The following ATP6V1B2 variants were observed in gnomAD, a reference collection of about 807,000 sequenced individuals.
ATP6V1B2 encodes the protein ATPase H+ transporting V1 subunit B2, also known as V-type proton ATPase subunit B, brain isoform.
In ATP6V1B2, 23 loss-of-function variants were observed where a neutral mutation model predicts 66.7. The observed-to-expected ratio is 0.34, with a 90% CI of 0.25 to 0.49. The LOEUF (loss-of-function observed/expected upper bound fraction) is 0.49. ATP6V1B2 is among the 20% of genes least tolerant of loss of function. The pLI is 0.99. For synonymous variants in ATP6V1B2, 278 were observed against 236.7 expected, an observed-to-expected ratio of 1.17 and a Z score of -1.60; for missense variants, 478 against 650.8, an observed-to-expected ratio of 0.73 and a Z score of 2.89.
At chr8:20,217,583 T>G (rs997601092) in intron 12 of ATP6V1B2, among the ~76,000 whole-genome samples, 3 of 152,234 alleles carry the variant, frequency 2.0e-5, no homozygotes, top group African/African-American at 7.2e-5. Context: ...GCAATGAGGT[T>G]GTTTAAATTT....
At chr8:20,198,151 G>C (rs935382801) in intron 1 of ATP6V1B2, among the ~76,000 whole-genome samples, 2 of 152,230 alleles carry the variant, frequency 1.3e-5, no homozygotes, top group Non-Finnish European at 2.9e-5. Context: ...AGGTCATCCA[G>C]TCCAACCCTA....
At chr8:20,201,290 T>A (rs1428436612) in intron 1 of ATP6V1B2, among the ~76,000 whole-genome samples, 1 of 152,186 alleles carries the variant, frequency 6.6e-6, no homozygotes. Context: ...AATAGAAATA[T>A]TTAGGTAATT....
chr8:20,205,435 C>T (rs2072729263), intron 2 of ATP6V1B2, among the ~76,000 whole-genome samples: 1 of 151,986 alleles, frequency 6.6e-6, no homozygotes, highest in Non-Finnish European at 1.5e-5. Context: ...TTGGTACGCG[C>T]TGTGAAGAGG....
At chr8:20,210,716 T>G in intron 5 of ATP6V1B2, 70 bp downstream of exon 5, 2 of 1,384,586 alleles carry the variant, frequency 1.4e-6, no homozygotes, top group Admixed American at 1.7e-5. Context: ...CTTTGCCAGA[T>G]AGAGAGTGTT....
intron 13 of ATP6V1B2, among the ~76,000 whole-genome samples, chr8:20,219,845 GC>G (rs2072890897): frequency 6.6e-6 from 1 of 152,132 alleles, no homozygotes; most frequent in South Asian, 2.1e-4. Context: ...TGCTTGACTG[GC>G]ATTTATGTCC....
chr8:20,198,668 A>G (rs1381184535), intron 1 of ATP6V1B2, among the ~76,000 whole-genome samples: 1 of 152,216 alleles, frequency 6.6e-6, no homozygotes, highest in Non-Finnish European at 1.5e-5. Flanking sequence ...GACTGATTAA[A>G]AAGGATTTCA....
chr8:20,203,988 A>G (rs2072713136), intron 1 of ATP6V1B2: 1 of 455,632 alleles, frequency 2.2e-6, no homozygotes, highest in Admixed American at 2.4e-5. Flanking sequence ...TTCCTTTGTG[A>G]CTTTTGTCAC....
chr8:20,216,225 T>C (rs2072853067), intron 10 of ATP6V1B2, 188 bp from the exon 11 acceptor site: 6 of 425,186 alleles, frequency 1.4e-5, no homozygotes, highest in Non-Finnish European at 2.5e-5. Flanking sequence ...GGCTAATGGC[T>C]ACCGTACTGC....
chr8:20,210,744 A>T, intron 5 of ATP6V1B2, 98 bp downstream of exon 5: 1 of 925,468 alleles, frequency 1.1e-6, no homozygotes, highest in Middle Eastern at 2.8e-4. Flanking sequence ...ATATCACTTA[A>T]AGTAGATAGG....
chr8:20,213,520 C>T (rs2072816031), intron 9 of ATP6V1B2: 1 of 153,750 alleles, frequency 6.5e-6, no homozygotes, highest in African/African-American at 2.4e-5. Flanking sequence ...CGTAGTGGCA[C>T]ACACACTTGT....
In ATP6V1B2 at chr8:20,210,554, C is replaced by A. The variant is rs1468183745; in HGVS notation, c.386-15C>A. 2 of 1,613,342 alleles carry A rather than the reference C, an allele frequency of 1.2e-6. No individual in the cohort carries two copies. Among genetic ancestry groups the A allele is most frequent in the South Asian group, 2.2e-5 (2 of 91,064 alleles). On this transcript the variant is annotated splice_polypyrimidine_tract_variant and intron_variant, in intron 4 of 13. Coordinates refer to ENST00000276390, the MANE Select transcript of ATP6V1B2 (RefSeq NM_001693.4). The stretch of plus-strand genomic sequence containing the variant: ...GTCAGCATCTACTCTGTCCTGTCTT[C>A]TTACTGATTTCTAGGTCGGGTATTC...
rs1054398323 is a variant in ATP6V1B2, at chr8:20,211,109, T to C, written c.464-68T>C. 3.2e-6 allele frequency: 5 copies of C among 1,560,320 alleles called. No homozygotes were observed. The Admixed American group carries it at 8.3e-5, about 26-fold the overall frequency. ...CTTTTTCTTTTCTTTTAATTTGATA[T>C]GATATCTAATTTCATTCATGAATAA... is the stretch of plus-strand genomic sequence containing the variant. On this transcript the variant is annotated intron_variant, in intron 5 of 13. Coordinates refer to ENST00000276390, the MANE Select transcript of ATP6V1B2 (RefSeq NM_001693.4).
rs185684235 is a variant in ATP6V1B2 at position 20,199,532 on chromosome 8, C to T, written c.136+1990C>T. ...GCATTTGAATATCTTCTTATTTTGCCATATTTTTTATTCTACTCAAAAGTT... is the reference window on the plus strand; with the variant it reads ...GCATTTGAATATCTTCTTATTTTGCTATATTTTTTATTCTACTCAAAAGTT... On this transcript the variant is annotated intron_variant, in intron 1 of 13. Coordinates refer to ENST00000276390, the MANE Select transcript of ATP6V1B2 (RefSeq NM_001693.4). Among the ~76,000 whole-genome samples, 25 of 151,620 alleles carry T rather than the reference C, an allele frequency of 1.6e-4. No individual in the cohort carries two copies. The East Asian group carries it at 4.3e-3, about 26-fold the overall frequency.
chr8:20,216,301 T>C (rs2072853897), intron 10 of ATP6V1B2, 112 bp from the exon 11 acceptor site: 1 of 766,068 alleles, frequency 1.3e-6, no homozygotes, highest in Admixed American at 2.4e-5. Flanking sequence ...TTCTAAGTAA[T>C]GTTACAGGTA....
chr8:20,214,770 CTTG>C, intron 9 of ATP6V1B2, 45 bp from the exon 10 acceptor site: 1 of 1,522,216 alleles, frequency 6.6e-7, no homozygotes, highest in Non-Finnish European at 8.8e-7. Flanking sequence ...TGTAAGCAAG[CTTG>C]TTGTAATATC....
intron 10 of ATP6V1B2, 134 bp from the exon 11 acceptor site, chr8:20,216,279 C>G (rs1563816189): frequency 4.4e-6 from 3 of 680,572 alleles, no homozygotes; most frequent in Admixed American, 2.6e-5. Context: ...GAAAATGACT[C>G]TAAGAACACT....
rs1307747701 is a variant in ATP6V1B2, at chr8:20,208,801, C to T, written c.193-632C>T. Among the ~76,000 whole-genome samples the T allele has an allele frequency of 5.9e-5, 9 of 151,550 alleles. No homozygotes were observed. The East Asian group carries it at 9.7e-4, about 16-fold the overall frequency. ...TGGCTCACTGCAACCTCCGTCTCCC[C>T]GGCTCAAGCAGTTCTGCCCCAGACT... On this transcript the variant is annotated intron_variant, in intron 2 of 13. Transcript: ENST00000276390.
chr8:20,203,366 C>T (rs536098334), intron 1 of ATP6V1B2, among the ~76,000 whole-genome samples: 4 of 152,310 alleles, frequency 2.6e-5, no homozygotes, highest in South Asian at 2.1e-4. Flanking sequence ...CTGGCTTCCC[C>T]GCCTGAGGCT....
chr8:20,198,767 A>G (rs920118654), intron 1 of ATP6V1B2, among the ~76,000 whole-genome samples: 4 of 152,212 alleles, frequency 2.6e-5, no homozygotes, highest in Non-Finnish European at 4.4e-5. Context: ...TGCAGTGTGA[A>G]GAAAAAGGAA....
Sources: gnomAD v4.1 joint callset for allele counts (sites outside exome capture counted in the v4.1 genomes callset) on GRCh38, gnomAD v4.1.1 for gene constraint, MANE v1.5 for transcripts, NCBI Gene and HGNC (gene_info 2026-07-23, HGNC 2026-07-21) for gene names.